ERN1: variants seen among roughly 807,000 people sequenced by gnomAD.
ERN1 encodes the protein endoplasmic reticulum to nucleus signaling 1.
A neutral mutation model predicts 113.1 loss-of-function variants in ERN1; 39 were observed. The observed-to-expected ratio is 0.34, with a 90% confidence interval of 0.27 to 0.45. The LOEUF (loss-of-function observed/expected upper bound fraction) is 0.45. ERN1 is among the 20% of genes least tolerant of loss of function. ERN1 has a pLI of 1.00. For missense variants in ERN1, 976 were observed against 1,274.8 expected (o/e 0.77, Z 3.57); for synonymous variants, 507 against 515.9 (o/e 0.98, Z 0.23).
intron 7 of ERN1, chr17:64,067,898 T>A: frequency 3.2e-6 from 1 of 315,730 alleles, no homozygotes. Context: ...CTACTTTCCA[T>A]GGGCTTGCAG....
chr17:64,080,863 C>T (rs1913745249), intron 2 of ERN1, 55 bp from the exon 3 acceptor site: 2 of 1,572,090 alleles, frequency 1.3e-6, no homozygotes, highest in Non-Finnish European at 1.7e-6. Flanking sequence ...TGTCAAGATT[C>T]CCAGAGGCTT....
At chr17:64,078,655 A>G (rs1913672137) in intron 4 of ERN1, among the ~76,000 whole-genome samples, 2 of 152,150 alleles carry the variant, frequency 1.3e-5, no homozygotes, top group Non-Finnish European at 2.9e-5. Flanking sequence ...GGGGGGTAGG[A>G]GTCAATACTT....
chr17:64,079,450 T>G (rs1044508741), intron 4 of ERN1, among the ~76,000 whole-genome samples: 1 of 152,144 alleles, frequency 6.6e-6, no homozygotes, highest in Non-Finnish European at 1.5e-5. Flanking sequence ...GCATCCGTGT[T>G]TCTGAACTCT....
intron 1 of ERN1, among the ~76,000 whole-genome samples, chr17:64,114,605 G>A (rs1914757023): frequency 6.6e-6 from 1 of 152,190 alleles, no homozygotes; most frequent in African/African-American, 2.4e-5. Flanking sequence ...CCAGAATGGC[G>A]TGGGCCACAA....
chr17:64,117,390 C>A (rs1168929080), intron 1 of ERN1, among the ~76,000 whole-genome samples: 2 of 151,744 alleles, frequency 1.3e-5, no homozygotes, highest in East Asian at 3.9e-4. Context: ...TTGCAGTAAG[C>A]CAAAATCACG....
chr17:64,066,642 C>T, intron 8 of ERN1, 29 bp downstream of exon 8: 1 of 1,610,750 alleles, frequency 6.2e-7, no homozygotes, highest in Non-Finnish European at 8.5e-7. Context: ...GCCACGGCCG[C>T]CCTCTCCTTC....
chr17:64,059,093 T>G (rs1912971759), intron 11 of ERN1, among the ~76,000 whole-genome samples: 1 of 152,216 alleles, frequency 6.6e-6, no homozygotes, highest in Non-Finnish European at 1.5e-5. Context: ...CACTGTCTTA[T>G]TTTCTTCTGT....
chr17:64,125,483 T>A (rs1181498133), intron 1 of ERN1, among the ~76,000 whole-genome samples: 1 of 152,028 alleles, frequency 6.6e-6, no homozygotes, highest in African/African-American at 2.4e-5. Context: ...AGCTCAATGT[T>A]TTTTGTTTTT....
chr17:64,057,314 T>G (rs536665631), intron 12 of ERN1, among the ~76,000 whole-genome samples: 1 of 152,364 alleles, frequency 6.6e-6, no homozygotes, highest in African/African-American at 2.4e-5. Flanking sequence ...GGGAGGCTAG[T>G]GTCTCTTTAA....
intron 4 of ERN1, among the ~76,000 whole-genome samples, chr17:64,077,749 CTTT>C (rs368774351): frequency 6.9e-6 from 1 of 144,196 alleles, no homozygotes. Context: ...TGCATTTCTT[CTTT>C]TTTTTTTTTT....
rs61736508 is a variant in ERN1 at position 64,049,098 on chromosome 17, G to A, written c.2358C>T (p.Leu786=). 1.2e-3 allele frequency: 1,958 copies of A among 1,608,042 alleles called. 17 individuals carry two copies. In the African/African-American group the frequency reaches 0.023, roughly 19 times the overall value. ...AGCAGTCAAGGCTGCAGGCACCCAG[G>A]AGGATGTTGGCCTGCCGCTGCAGGG... is the stretch of plus-strand genomic sequence containing the variant. ...GKSLQRQANI[L]LGACSLDCLH... is the part of the protein sequence containing the mutation. The change falls in exon 18 of 22, where the codon CTC becomes CTT. Residue 786 remains leucine (L), a synonymous_variant. Transcript: ENST00000433197. This position sits in a 1 kb window ranked among gnomAD's most constrained non-coding sequence, Gnocchi z 4.7.
rs757820790 is a variant in ERN1 at position 64,055,761 on chromosome 17, G to C, written c.1586C>G (p.Ser529Cys). 5.0e-6 allele frequency: 8 copies of C among 1,609,916 alleles called. No homozygotes were observed. In the South Asian group the frequency reaches 7.7e-5, roughly 16 times the overall value. Residue 529 changes from serine (S) to cysteine (C), a missense_variant, in exon 13 of 22, where the codon TCC (serine) becomes TGC (cysteine). Physicochemically the swap from Ser to Cys is moderately radical, Grantham distance 112. This residue lies in a region of ERN1 where 112 missense variants were observed against 106.2 expected (regional missense o/e 1.05). Coordinates refer to ENST00000433197, the MANE Select transcript of ERN1 (RefSeq NM_001433.5). ...ESSGTSSPSTSPRASNHSLCS... is the reference protein window; with the variant it reads ...ESSGTSSPSTCPRASNHSLCS... ...GAGCGAGTGGTTGGAGGCCCTGGGGGACGTGCTGGGGCTGCTGGTGCCCGA... is the reference window on the plus strand; with the variant it reads ...GAGCGAGTGGTTGGAGGCCCTGGGGCACGTGCTGGGGCTGCTGGTGCCCGA...
chr17:64,080,692 C>T (rs905336833), intron 3 of ERN1, 83 bp downstream of exon 3: 4 of 1,284,506 alleles, frequency 3.1e-6, no homozygotes, highest in African/African-American at 1.5e-5. Context: ...CATATATGCA[C>T]TCCCAGCAAC....
At chr17:64,047,748 C>CTTT in intron 19 of ERN1, 110 bp downstream of exon 19, 2 of 909,272 alleles carry the variant, frequency 2.2e-6, no homozygotes, top group Non-Finnish European at 3.2e-6. Context: ...TGATTATCTT[C>CTTT]CAGTTTTAGG....
chr17:64,074,965 C>T, intron 5 of ERN1: 1 of 553,812 alleles, frequency 1.8e-6, no homozygotes, highest in South Asian at 2.3e-5. Flanking sequence ...AAATGAGTAA[C>T]CATATTAATG....
chr17:64,089,841 G>C (rs1453302314), intron 2 of ERN1, among the ~76,000 whole-genome samples: 2 of 152,120 alleles, frequency 1.3e-5, no homozygotes, highest in Non-Finnish European at 2.9e-5. Context: ...AGTGAAACTA[G>C]AAAGGCATAG....
rs373331647 is a variant in ERN1 at position 64,079,656 on chromosome 17, A to G, written c.282+6T>C. On this transcript the variant is annotated splice_donor_region_variant and intron_variant, in intron 4 of 21. Transcript: ENST00000433197. Reference sequence around the variant, plus strand: ...TGGAGTACAAAAAGCAGCTAAATATACTCACCGTCAGGCCTTCATTATTCT... The same window carrying G: ...TGGAGTACAAAAAGCAGCTAAATATGCTCACCGTCAGGCCTTCATTATTCT... 4.5e-5 allele frequency: 73 copies of G among 1,611,986 alleles called. No homozygotes were observed. The highest frequency in any genetic ancestry group is 6.8e-6 in the Non-Finnish European group (8 of 1,178,264).
At chr17:64,090,986 A>G (rs1330297117) in intron 2 of ERN1, among the ~76,000 whole-genome samples, 1 of 152,264 alleles carries the variant, frequency 6.6e-6, no homozygotes, top group Non-Finnish European at 1.5e-5. Flanking sequence ...AGCCCCTTTC[A>G]TAAAACTTAA....
intron 19 of ERN1, among the ~76,000 whole-genome samples, chr17:64,047,387 G>A (rs570940100): frequency 6.6e-6 from 1 of 152,140 alleles, no homozygotes; most frequent in South Asian, 2.1e-4. Context: ...AAATAAATAA[G>A]CTTATGACAC....
Sources: allele counts gnomAD v4.1 joint callset (sites outside exome capture counted in the v4.1 genomes callset), GRCh38; gene constraint gnomAD v4.1.1; regional missense constraint gnomAD v4.1.1; non-coding constraint Gnocchi (gnomAD v3.1); transcripts MANE v1.5; gene names NCBI Gene and HGNC (gene_info 2026-07-23, HGNC 2026-07-21).